The following LRRC36 variants were observed in gnomAD, a reference collection of about 807,000 sequenced individuals.
LRRC36 encodes the protein leucine rich repeat containing 36, also known as leucine-rich repeat-containing protein 36.
Under a neutral mutation model 81.1 loss-of-function variants are expected in LRRC36, and 62 were observed. The ratio of observed to expected loss-of-function variants is 0.76; its 90% CI spans 0.62 to 0.94. The LOEUF (loss-of-function observed/expected upper bound fraction) is 0.94. LRRC36 is among the 40% of genes least tolerant of loss of function. The pLI is 0.00. For synonymous variants in LRRC36, 334 were observed against 348.6 expected, an observed-to-expected ratio of 0.96 and a Z score of 0.47; for missense variants, 761 against 881.7, an observed-to-expected ratio of 0.86 and a Z score of 1.73.
chr16:67,350,396 T>C (rs950458484), intron 5 of LRRC36, 106 bp downstream of exon 5: 8 of 932,668 alleles, frequency 8.6e-6, no homozygotes, highest in African/African-American at 5.0e-5. Flanking sequence ...AAGAACCAAT[T>C]TGAAGCAAGC....
In LRRC36 at chr16:67,341,070, T is replaced by C. The variant is rs577622834; in HGVS notation, c.71-887T>C. On this transcript the variant is annotated intron_variant, in intron 1 of 13. Transcript: ENST00000329956. ...TATGTACTCTACATATTCTATAGAA[T>C]ATGTACTCTACATATTCTATAGAAT... Among the ~76,000 whole-genome samples the C allele has an allele frequency of 2.3e-3, 258 of 114,524 alleles. 11 individuals are homozygous for C. Among genetic ancestry groups the C allele is most frequent in the African/African-American group, 8.6e-3 (227 of 26,468 alleles). The allele number at this position is 114,524 out of a possible 152,430, so 75.1% of individuals were successfully genotyped here. A position where few individuals can be genotyped will look rare whatever the true frequency, so the allele number is the denominator to read the frequency against.
At chr16:67,341,010 T>TATTA (rs1491028471) in intron 1 of LRRC36, among the ~76,000 whole-genome samples, 2 of 87,570 alleles carry the variant, frequency 2.3e-5, no homozygotes, top group Non-Finnish European at 4.1e-5. Context: ...AGAATATGTA[T>TATTA]TCTATAGAAT....
At chr16:67,350,851 C>T (rs1480060517) in intron 5 of LRRC36, among the ~76,000 whole-genome samples, 3 of 152,098 alleles carry the variant, frequency 2.0e-5, no homozygotes, top group East Asian at 1.9e-4. Context: ...CCAGCCTGAC[C>T]GACATGGAGA....
At position 67,371,101 on chromosome 16, in the gene LRRC36, G is replaced by A; in HGVS notation, c.1353G>A (p.Leu451=). Residue 451 remains leucine (L), a synonymous_variant, in exon 9 of 14, where the codon CTG becomes CTA. Transcript: ENST00000329956. ...GNRTTPLRTL[L]LSPGTSEHRK... Reference sequence around the variant, plus strand: ...GGACAACTCCTCTGCGGACACTGCTGTTGTCTCCTGGGACTTCAGAACACA... The same window carrying A: ...GGACAACTCCTCTGCGGACACTGCTATTGTCTCCTGGGACTTCAGAACACA... The A allele has an allele frequency of 6.2e-7, 1 of 1,614,188 alleles. No individual in the cohort carries two copies. The highest frequency in any genetic ancestry group is 8.5e-7 in the Non-Finnish European group (1 of 1,180,036).
chr16:67,376,953 T>C, intron 11 of LRRC36, 81 bp downstream of exon 11: 2 of 1,429,550 alleles, frequency 1.4e-6, no homozygotes, highest in Non-Finnish European at 1.9e-6. Flanking sequence ...AGCATCACCG[T>C]GAACACCTAA....
chr16:67,346,988 T>A (rs2038381485), intron 3 of LRRC36, among the ~76,000 whole-genome samples: 1 of 152,108 alleles, frequency 6.6e-6, no homozygotes, highest in Non-Finnish European at 1.5e-5. Flanking sequence ...AATTCTCACA[T>A]CTCAGTCTCC....
Position 67,326,936 on chromosome 16 carries a change from G to T in LRRC36, c.70+4G>T. 1.3e-6 allele frequency: 2 copies of T among 1,498,692 alleles called. No homozygotes were observed. The highest frequency in any genetic ancestry group is 2.8e-5 in the East Asian group (1 of 35,492). 92.8% of individuals were successfully genotyped at this position (1,498,692 alleles called of 1,614,324 possible). A position where few individuals can be genotyped will look rare whatever the true frequency, so the allele number is the denominator to read the frequency against. On this transcript the variant is annotated splice_donor_region_variant and intron_variant, in intron 1 of 13. Coordinates refer to ENST00000329956, the MANE Select transcript of LRRC36 (RefSeq NM_018296.6). ...GCGCTGACGCTGGAGCAGCCGGGTAGGGTCTGGCCGGGAGGGTGTGGACTG... is the reference window on the plus strand; with the variant it reads ...GCGCTGACGCTGGAGCAGCCGGGTATGGTCTGGCCGGGAGGGTGTGGACTG...
At chr16:67,372,347 A>G (rs374886334) in intron 9 of LRRC36, among the ~76,000 whole-genome samples, 9 of 150,908 alleles carry the variant, frequency 6.0e-5, no homozygotes, top group East Asian at 3.9e-4. Context: ...ACAGAGTGAG[A>G]CTCTGTCTCC....
At position 67,384,926 on chromosome 16, in the gene LRRC36, G is replaced by T; in HGVS notation, c.2102G>T (p.Gly701Val). ...LLQQLNKEPK[G>V]YSGKALLPPE... is the part of the protein sequence containing the mutation. ...CAGCAGCTGAATAAGGAGCCAAAAG[G>T]TTATTCCGGGAAAGCGCTCCTGCCT... Residue 701 changes from glycine (G) to valine (V), a missense_variant, in exon 14 of 14, where the codon GGT becomes GTT. By Grantham distance (109) the Gly-to-Val change is moderately radical (BLOSUM62 -3). Around this residue, in one of 3 missense-constraint regions of LRRC36, gnomAD observed 359 missense variants for 388.4 expected, o/e 0.92. Coordinates refer to ENST00000329956, the MANE Select transcript of LRRC36 (RefSeq NM_018296.6). 6.2e-7 allele frequency: 1 copy of T among 1,614,222 alleles called. No individual in the cohort carries two copies. Among genetic ancestry groups the T allele is most frequent in the South Asian group, 1.1e-5 (1 of 91,084 alleles).
At chr16:67,329,101 G>T (rs1056227521) in intron 1 of LRRC36, among the ~76,000 whole-genome samples, 2 of 151,864 alleles carry the variant, frequency 1.3e-5, no homozygotes, top group South Asian at 2.1e-4. Flanking sequence ...TAGTGACAGG[G>T]TTTTGCCATG....
chr16:67,364,788 G>C (rs1381882274), intron 6 of LRRC36, among the ~76,000 whole-genome samples: 3 of 152,156 alleles, frequency 2.0e-5, no homozygotes, highest in Non-Finnish European at 4.4e-5. Context: ...AAGAAATAAG[G>C]AAGTGGGATT....
chr16:67,365,953 C>T (rs748104593), intron 7 of LRRC36, among the ~76,000 whole-genome samples: 7 of 152,246 alleles, frequency 4.6e-5, no homozygotes, highest in South Asian at 2.1e-4. Flanking sequence ...TCTTCCCAGG[C>T]TTCCCTTCTG....
At chr16:67,364,392 A>G (rs2039293673) in intron 6 of LRRC36, among the ~76,000 whole-genome samples, 1 of 152,214 alleles carries the variant, frequency 6.6e-6, no homozygotes, top group African/African-American at 2.4e-5. Context: ...TACATTTATG[A>G]GCAATAAAAT....
chr16:67,354,402 C>T (rs1003676150), intron 5 of LRRC36, among the ~76,000 whole-genome samples: 5 of 151,906 alleles, frequency 3.3e-5, no homozygotes, highest in Non-Finnish European at 5.9e-5. Context: ...CTCACCTGCC[C>T]GAATACCTGG....
chr16:67,369,857 G>A (rs1420687312), intron 8 of LRRC36, among the ~76,000 whole-genome samples: 1 of 152,174 alleles, frequency 6.6e-6, no homozygotes, highest in Non-Finnish European at 1.5e-5. Flanking sequence ...TCCCTCCCAT[G>A]TCATGTGGGA....
At chr16:67,351,714 A>G (rs1567479309) in intron 5 of LRRC36, among the ~76,000 whole-genome samples, 1 of 152,202 alleles carries the variant, frequency 6.6e-6, no homozygotes. Flanking sequence ...CTCAAAAAAC[A>G]AACACACAAA....
intron 12 of LRRC36, among the ~76,000 whole-genome samples, chr16:67,381,699 C>G (rs2040117811): frequency 6.6e-6 from 1 of 152,186 alleles, no homozygotes; most frequent in Non-Finnish European, 1.5e-5. Context: ...ACTGCTACCT[C>G]CATCCCATCT....
Position 67,326,941 on chromosome 16 carries a change from T to C in LRRC36, c.70+9T>C. Reference sequence around the variant, plus strand: ...GACGCTGGAGCAGCCGGGTAGGGTCTGGCCGGGAGGGTGTGGACTGGGAAC... The same window carrying C: ...GACGCTGGAGCAGCCGGGTAGGGTCCGGCCGGGAGGGTGTGGACTGGGAAC... On this transcript the variant is annotated intron_variant, in intron 1 of 13. Coordinates refer to ENST00000329956, the MANE Select transcript of LRRC36 (RefSeq NM_018296.6). The C allele has an allele frequency of 6.7e-7, 1 of 1,499,598 alleles. No homozygotes were observed. Among genetic ancestry groups the C allele is most frequent in the Non-Finnish European group, 8.8e-7 (1 of 1,135,714 alleles). 92.9% of individuals were successfully genotyped at this position (1,499,598 alleles called of 1,614,324 possible). A position where few individuals can be genotyped will look rare whatever the true frequency, so the allele number is the denominator to read the frequency against.
chr16:67,339,258 G>A (rs1419250255), intron 1 of LRRC36, among the ~76,000 whole-genome samples: 3 of 125,864 alleles, frequency 2.4e-5, no homozygotes, highest in East Asian at 4.5e-4. Flanking sequence ...TGTTAATACT[G>A]TAAAAAAAAA....
Sources: gnomAD v4.1 joint callset for allele counts (sites outside exome capture counted in the v4.1 genomes callset) on GRCh38, gnomAD v4.1.1 for gene constraint, gnomAD v4.1.1 regional missense constraint, MANE v1.5 for transcripts, NCBI Gene and HGNC (gene_info 2026-07-23, HGNC 2026-07-21) for gene names.